COL28A1: variants seen among roughly 807,000 people sequenced by gnomAD.
The protein encoded by COL28A1 is collagen type XXVIII alpha 1 chain, also known as collagen alpha-1(XXVIII) chain.
A neutral mutation model predicts 150.2 loss-of-function variants in COL28A1; 161 were observed. The observed-to-expected ratio is 1.07, with a 90% CI of 0.94 to 1.22. The LOEUF is 1.22. Among genes scored for constraint, COL28A1 ranks in the 50% most tolerant of loss-of-function variants. The pLI is 0.00. For synonymous variants in COL28A1, 552 were observed against 469.7 expected (o/e 1.18, Z -2.26); for missense variants, 1,617 against 1,388.3 (o/e 1.16, Z -2.62).
intron 27 of COL28A1, among the ~76,000 whole-genome samples, chr7:7,411,102 A>T (rs1054905472): frequency 6.6e-6 from 1 of 152,184 alleles, no homozygotes; most frequent in Non-Finnish European, 1.5e-5. Flanking sequence ...CCACTACAGA[A>T]TCCTGACATT....
chr7:7,534,193 G>A (rs866958167), intron 1 of COL28A1, among the ~76,000 whole-genome samples: 1 of 152,172 alleles, frequency 6.6e-6, no homozygotes, highest in South Asian at 2.1e-4. Context: ...TGTATTAAAA[G>A]AACTTTGGAT....
chr7:7,527,887 A>T (rs1280748587), intron 3 of COL28A1, among the ~76,000 whole-genome samples: 2 of 152,196 alleles, frequency 1.3e-5, no homozygotes, highest in East Asian at 3.8e-4. Context: ...ACAGCAAAGC[A>T]CTCGGTAGGC....
intron 3 of COL28A1, 47 bp from the exon 4 acceptor site, chr7:7,524,296 C>A: frequency 9.8e-7 from 1 of 1,016,166 alleles, no homozygotes; most frequent in Non-Finnish European, 1.6e-6. Flanking sequence ...GATAGTTCTG[C>A]CTCCAGCTAC....
chr7:7,407,329 C>A (rs1783544422), intron 27 of COL28A1, among the ~76,000 whole-genome samples: 1 of 151,768 alleles, frequency 6.6e-6, no homozygotes, highest in Non-Finnish European at 1.5e-5. Context: ...ATATACTAGT[C>A]CACAGAATCA....
chr7:7,407,273 G>A (rs1441729156), intron 27 of COL28A1, among the ~76,000 whole-genome samples: 1 of 151,934 alleles, frequency 6.6e-6, no homozygotes, highest in East Asian at 1.9e-4. Flanking sequence ...TAGGTCAGAA[G>A]CAATCTTTGA....
chr7:7,423,249 C>G (rs1462890831), intron 25 of COL28A1, among the ~76,000 whole-genome samples: 1 of 152,132 alleles, frequency 6.6e-6, no homozygotes, highest in Non-Finnish European at 1.5e-5. Context: ...ACAAGATCAA[C>G]TATGTGTTGA....
At chr7:7,511,978 A>C (rs1036090886) in intron 8 of COL28A1, 1 of 322,380 alleles carries the variant, frequency 3.1e-6, no homozygotes, top group Non-Finnish European at 6.1e-6. Context: ...AAATTTTGTA[A>C]TTAAGAAGGT....
Position 7,531,477 on chromosome 7 carries a change from T to C in COL28A1, c.552A>G (p.Ser184=), listed in dbSNP as rs1352780707. 6 of 1,603,454 alleles carry C rather than the reference T, an allele frequency of 3.7e-6. No individual in the cohort carries two copies. The African/African-American group carries it at 8.0e-5, about 21-fold the overall frequency. The change falls in exon 3 of 35, where the codon TCA becomes TCG. Residue 184 remains serine, a synonymous_variant. Transcript: ENST00000399429. The stretch of plus-strand genomic sequence containing the variant: ...CCGTAGAAAGTGCAATGGTGATAAA[T>C]GATATTCCTGAAATTCTGGCATCTT... ...ISEDARISGI[S]FITIALSTVV...
intron 27 of COL28A1, among the ~76,000 whole-genome samples, chr7:7,384,745 T>C (rs550890342): frequency 7.2e-5 from 11 of 152,304 alleles, no homozygotes; most frequent in African/African-American, 1.9e-4. Context: ...CTTGATATCA[T>C]TGGGAGCCCC....
At chr7:7,392,427 T>G (rs1046333454) in intron 27 of COL28A1, among the ~76,000 whole-genome samples, 8 of 152,188 alleles carry the variant, frequency 5.3e-5, no homozygotes, top group Non-Finnish European at 1.0e-4. Context: ...CATTTCAACC[T>G]TGGTGAATCT....
chr7:7,479,255 AGT>A (rs1789199067), intron 13 of COL28A1, among the ~76,000 whole-genome samples: 4 of 152,234 alleles, frequency 2.6e-5, no homozygotes, highest in Non-Finnish European at 4.4e-5. Context: ...AATACTGATC[AGT>A]AGAATTGTAG....
At chr7:7,486,078 A>G (rs1429279763) in intron 13 of COL28A1, among the ~76,000 whole-genome samples, 1 of 152,204 alleles carries the variant, frequency 6.6e-6, no homozygotes, top group African/African-American at 2.4e-5. Context: ...TGAGTCTTCT[A>G]ATCTGTAAAC....
intron 11 of COL28A1, among the ~76,000 whole-genome samples, chr7:7,497,094 AAAGGAAGG>A (rs141012538): frequency 1.6e-3 from 202 of 123,858 alleles, no homozygotes; most frequent in African/African-American, 4.6e-3. Context: ...AGGAAGGAAG[AAAGGAAGG>A]AAGGAAGGAA....
At chr7:7,419,453 C>A (rs1250780730) in intron 26 of COL28A1, among the ~76,000 whole-genome samples, 1 of 152,154 alleles carries the variant, frequency 6.6e-6, no homozygotes, top group East Asian at 1.9e-4. Flanking sequence ...AAAGAAGTTG[C>A]TCTCATCTTC....
intron 21 of COL28A1, among the ~76,000 whole-genome samples, chr7:7,440,548 A>C (rs1352277336): frequency 6.6e-6 from 1 of 152,230 alleles, no homozygotes; most frequent in African/African-American, 2.4e-5. Flanking sequence ...ACTAGAGAGG[A>C]CTGACAGACA....
At chr7:7,537,622 A>G (rs1782689475), upstream of COL28A1, among the ~76,000 whole-genome samples, 1 of 152,184 alleles carries the variant, frequency 6.6e-6, no homozygotes, top group South Asian at 2.1e-4. Flanking sequence ...CACTTATAAC[A>G]ACTACTGCAT....
intron 27 of COL28A1, among the ~76,000 whole-genome samples, chr7:7,383,398 C>G (rs1024667061): frequency 8.6e-5 from 13 of 151,574 alleles, no homozygotes; most frequent in African/African-American, 3.1e-4. Context: ...CCTGCCTCAG[C>G]CTCCTGAGTA....
At chr7:7,465,275 G>T (rs537197364) in intron 15 of COL28A1, among the ~76,000 whole-genome samples, 1 of 2,184 alleles carries the variant, frequency 4.6e-4, no homozygotes, top group African/African-American at 4.9e-4. Context: ...GAAGCAGGGC[G>T]AGCATTGCCT....
intron 11 of COL28A1, among the ~76,000 whole-genome samples, chr7:7,494,653 T>C (rs1780108690): frequency 2.0e-5 from 3 of 152,248 alleles, no homozygotes; most frequent in African/African-American, 7.2e-5. Context: ...ATGTCTATAA[T>C]TGAATATCAG....
Sources: gnomAD v4.1 joint callset for allele counts (sites outside exome capture counted in the v4.1 genomes callset) on GRCh38, gnomAD v4.1.1 for gene constraint, MANE v1.5 for transcripts, NCBI Gene and HGNC (gene_info 2026-07-23, HGNC 2026-07-21) for gene names.